SRP19: variants seen among roughly 807,000 people sequenced by gnomAD.
The protein encoded by SRP19 is signal recognition particle 19 kDa protein.
SRP19 carries 11 observed loss-of-function variants against 22.4 expected under a neutral mutation model. That is an observed-to-expected ratio of 0.49 (90% CI 0.31 to 0.81). The LOEUF is 0.81. SRP19 is among the 40% of genes least tolerant of loss of function. SRP19 has a pLI of 0.05. For missense variants in SRP19, 168 were observed against 175.9 expected (o/e 0.96, Z 0.25); for synonymous variants, 61 against 57.6 (o/e 1.06, Z -0.27).
downstream of SRP19, among the ~76,000 whole-genome samples, chr5:112,870,918 T>A (rs190893984): frequency 3.3e-4 from 51 of 152,302 alleles, no homozygotes; most frequent in East Asian, 8.3e-3. Flanking sequence ...AGCGGTGCGA[T>A]CTCAGCTCAC....
At chr5:112,866,459 G>C (rs532973096) in intron 4 of SRP19, among the ~76,000 whole-genome samples, 1 of 152,210 alleles carries the variant, frequency 6.6e-6, no homozygotes, top group Admixed American at 6.5e-5. Context: ...CAACCCTCCT[G>C]CCTCAGCCTC....
intron 4 of SRP19, among the ~76,000 whole-genome samples, chr5:112,881,149 AAAG>A (rs1185240723): frequency 1.3e-5 from 2 of 151,412 alleles, no homozygotes; most frequent in East Asian, 3.9e-4. Flanking sequence ...AAAAAAAAAA[AAAG>A]CTGGCAATCC....
Position 112,867,506 on chromosome 5 carries a change from G to A in SRP19, c.404G>A (p.Ser135Asn), listed in dbSNP as rs779685800. 1 of 1,611,812 alleles carries A rather than the reference G, an allele frequency of 6.2e-7. No individual in the cohort carries two copies. Among genetic ancestry groups the A allele is most frequent in the Non-Finnish European group, 8.5e-7 (1 of 1,179,428 alleles). ...CAAAGTCTTCAACAAGGAGAGGGAA[G>A]TAAAAAAGGGAAAGGAAAGAAAAAG... ...ADQSLQQGEG[S>N]KKGKGKKKK Residue 135 changes from serine to asparagine, a missense_variant, in exon 5 of 5, where the codon AGT (serine) becomes AAT (asparagine). Transcript: ENST00000505459.
intron 4 of SRP19, chr5:112,877,981 CTGTGTGTGTGTGTGTGTGTGTGTGTG>C (rs60109818): frequency 4.1e-5 from 6 of 147,644 alleles, no homozygotes; most frequent in African/African-American, 1.0e-4. Context: ...ACAGGTTACT[CTGTGTGTGTGTGTGTGTGTGTGTGTG>C]TGTGTGTGTG....
At position 112,890,791 on chromosome 5, in the gene SRP19, A is replaced by G. The variant is rs2150038523; in HGVS notation, c.302-812A>G. Among the ~76,000 whole-genome samples the G allele has an allele frequency of 1.3e-5, 2 of 150,942 alleles. 1 individual carries two copies. The highest frequency in any genetic ancestry group is 4.0e-4 in the East Asian group (2 of 4,984). On this transcript the variant is annotated intron_variant, in intron 4 of 4. Coordinates refer to the SRP19 transcript ENST00000391338. ...ATGGACTCAAAGAAACTAACTTCCA[A>G]TCCTGGTTCTGCCATTTACTAGCTA...
At chr5:112,878,671 C>T (rs1182501716) in intron 4 of SRP19, 9 of 1,426,636 alleles carry the variant, frequency 6.3e-6, no homozygotes, top group African/African-American at 1.4e-5. Flanking sequence ...TCTTTAATAT[C>T]TCAAAAATGT....
chr5:112,891,592 T>G, intron 4 of SRP19: 1 of 1,557,538 alleles, frequency 6.4e-7, no homozygotes, highest in Non-Finnish European at 8.7e-7. Flanking sequence ...ATCTTCCATA[T>G]ATTCCCATAG....
intron 4 of SRP19, among the ~76,000 whole-genome samples, chr5:112,881,011 C>T (rs1768057830): frequency 6.6e-6 from 1 of 151,424 alleles, no homozygotes; most frequent in South Asian, 2.1e-4. Flanking sequence ...CACCTGTAAT[C>T]ACAGCTACTT....
intron 4 of SRP19, among the ~76,000 whole-genome samples, chr5:112,879,327 G>C (rs59474758): frequency 0.04 from 8 of 200 alleles, no homozygotes; most frequent in Non-Finnish European, 0.035. Context: ...TATGTGTTTG[G>C]GGGGGGGGGC....
chr5:112,891,591 A>G (rs544924368), intron 4 of SRP19: 343 of 1,556,910 alleles, frequency 2.2e-4, no homozygotes, highest in Non-Finnish European at 2.9e-4. Context: ...AATCTTCCAT[A>G]TATTCCCATA....
intron 4 of SRP19, among the ~76,000 whole-genome samples, chr5:112,866,069 C>T (rs561452649): frequency 4.0e-5 from 6 of 151,132 alleles, no homozygotes; most frequent in Non-Finnish European, 7.4e-5. Context: ...ACTCTGTCAT[C>T]GAGGTTGAGT....
At chr5:112,892,957 C>G (rs769530839) in exon 5 of SRP19, 1 of 1,595,266 alleles carries the variant, frequency 6.3e-7, no homozygotes, top group East Asian at 2.3e-5. Context: ...GGACCAGGGC[C>G]GCCGGAGCCA....
At chr5:112,871,350 C>G (rs1374347449), downstream of SRP19, among the ~76,000 whole-genome samples, 1 of 149,766 alleles carries the variant, frequency 6.7e-6, no homozygotes, top group Non-Finnish European at 1.5e-5. Context: ...TCTTTTTCAC[C>G]CAGGCTAAAG....
downstream of SRP19, among the ~76,000 whole-genome samples, chr5:112,872,867 C>G (rs775656222): frequency 2.6e-5 from 4 of 152,128 alleles, no homozygotes; most frequent in Non-Finnish European, 4.4e-5. Context: ...GGTAAATGTT[C>G]TTAGACCTTG....
exon 5 of SRP19, chr5:112,893,048 A>G (rs751024151): frequency 2.1e-6 from 3 of 1,438,434 alleles, no homozygotes; most frequent in South Asian, 1.2e-5. Context: ...GGTAATAGAG[A>G]CAGAACTGTT....
At chr5:112,896,036 G>A (rs1317056979), downstream of SRP19, 1 of 152,616 alleles carries the variant, frequency 6.6e-6, no homozygotes, top group Non-Finnish European at 1.5e-5. Context: ...TCCCCCAGAA[G>A]AGATATTTCC....
At position 112,861,440 on chromosome 5, in the gene SRP19, C is replaced by T. The variant is rs1284304179; in HGVS notation, c.41+23C>T. ...CAGGTGGGTTCTGAGGCGGTGGGTC[C>T]TCCGAAAGGAAGGGGCTTGCTGTGG... On this transcript the variant is annotated intron_variant, in intron 1 of 4. Coordinates refer to ENST00000505459, the MANE Select transcript of SRP19 (RefSeq NM_003135.3). 2.5e-6 allele frequency: 4 copies of T among 1,610,008 alleles called. No homozygotes were observed. The Admixed American group carries it at 5.1e-5, about 20-fold the overall frequency.
intron 4 of SRP19, chr5:112,881,942 T>TGG (rs1768089195): frequency 6.6e-6 from 1 of 150,500 alleles, no homozygotes; most frequent in African/African-American, 2.4e-5. Flanking sequence ...TTTTTGTGTT[T>TGG]TTTTTTTTTT....
intron 4 of SRP19, chr5:112,886,962 C>T (rs549888757): frequency 2.2e-6 from 3 of 1,347,386 alleles, no homozygotes; most frequent in Non-Finnish European, 3.1e-6. Context: ...TATTTGAGCC[C>T]AGTGTGTCAC....
Sources: allele counts gnomAD v4.1 joint callset (sites outside exome capture counted in the v4.1 genomes callset), GRCh38; gene constraint gnomAD v4.1.1; transcripts MANE v1.5; gene names NCBI Gene and HGNC (gene_info 2026-07-23, HGNC 2026-07-21).